Variants in CRB1 observed in about 807,000 individuals in gnomAD.
CRB1 encodes protein crumbs homolog 1.
Under a neutral mutation model 120.0 loss-of-function variants are expected in CRB1, and 83 were observed. The observed-to-expected ratio is 0.69, with a 90% CI of 0.58 to 0.83. The LOEUF (loss-of-function observed/expected upper bound fraction) is 0.83. Among genes scored for constraint, CRB1 ranks in the 40% least tolerant of loss-of-function variants. The pLI, the probability that CRB1 is intolerant of heterozygous loss-of-function variation, is 0.00. For synonymous variants in CRB1, 625 were observed against 612.5 expected, an observed-to-expected ratio of 1.02 and a Z score of -0.30; for missense variants, 1,699 against 1,687.6, an observed-to-expected ratio of 1.01 and a Z score of -0.12.
rs780087216 is a variant in CRB1 at position 197,477,687 on chromosome 1, C to G, written c.4029C>G (p.Asp1343Glu). 6.2e-7 allele frequency: 1 copy of G among 1,613,730 alleles called. No homozygotes were observed. The highest frequency in any genetic ancestry group is 8.5e-7 in the Non-Finnish European group (1 of 1,179,838). ...EVDLADDLIS[D>E]IFTTIGSVTV... ...AGTTGGCAGATGACTTGATCTCCGA[C>G]ATTTTCACCACTATTGGCTCAGTGA... The change falls in exon 12 of 12, where the codon GAC (aspartate) becomes GAG (glutamate). Residue 1343 changes from aspartate to glutamate, a missense_variant. Transcript: ENST00000367400.
chr1:197,323,749 T>C (rs1223072831), intron 1 of CRB1, among the ~76,000 whole-genome samples: 1 of 152,150 alleles, frequency 6.6e-6, no homozygotes, highest in Non-Finnish European at 1.5e-5. Context: ...GATTGCAGCC[T>C]GAGGCACATG....
intron 5 of CRB1, among the ~76,000 whole-genome samples, chr1:197,394,239 A>C (rs1207412256): frequency 6.6e-6 from 1 of 152,150 alleles, no homozygotes; most frequent in Non-Finnish European, 1.5e-5. Flanking sequence ...ACTTTCACTT[A>C]ATGAATAATC....
intron 1 of CRB1, among the ~76,000 whole-genome samples, chr1:197,314,407 A>G (rs1231332852): frequency 6.6e-6 from 1 of 152,032 alleles, no homozygotes; most frequent in South Asian, 2.1e-4. Context: ...AAGTTTTCTC[A>G]TTGTTTACTC....
intron 1 of CRB1, among the ~76,000 whole-genome samples, chr1:197,288,986 A>T (rs1035865019): frequency 3.3e-5 from 5 of 151,408 alleles, no homozygotes; most frequent in Admixed American, 2.6e-4. Flanking sequence ...AAAAAAAAAA[A>T]ACTTGAATTT....
chr1:197,394,793 G>C (rs1165083219), intron 5 of CRB1, among the ~76,000 whole-genome samples: 2 of 151,950 alleles, frequency 1.3e-5, no homozygotes, highest in Non-Finnish European at 2.9e-5. Flanking sequence ...TATTTCTCCA[G>C]ATGTGGAGAT....
intron 5 of CRB1, among the ~76,000 whole-genome samples, chr1:197,378,457 T>A (rs924451078): frequency 1.3e-5 from 2 of 152,152 alleles, no homozygotes; most frequent in African/African-American, 4.8e-5. Flanking sequence ...CTCCTCTTTC[T>A]CTCAATTATA....
chr1:197,414,129 A>G (rs1663851201), intron 5 of CRB1: 2 of 242,146 alleles, frequency 8.3e-6, no homozygotes, highest in African/African-American at 4.5e-5. Context: ...CTTTTGAGAA[A>G]GGAAAAGTGG....
intron 5 of CRB1, among the ~76,000 whole-genome samples, chr1:197,375,009 A>G (rs1179072431): frequency 1.3e-5 from 2 of 152,034 alleles, no homozygotes; most frequent in East Asian, 3.9e-4. Flanking sequence ...TCTTTCACCT[A>G]CCATTTCAGT....
intron 4 of CRB1, 87 bp from the exon 5 acceptor site, chr1:197,356,744 C>T: frequency 1.5e-6 from 2 of 1,312,876 alleles, no homozygotes; most frequent in Non-Finnish European, 2.2e-6. Context: ...AAATCAATGC[C>T]AGTATAGCAG....
intron 5 of CRB1, among the ~76,000 whole-genome samples, chr1:197,373,260 T>C (rs1661468709): frequency 6.6e-6 from 1 of 152,238 alleles, no homozygotes; most frequent in East Asian, 1.9e-4. Flanking sequence ...GTTAGGTTAC[T>C]ATAAGTAATT....
At chr1:197,222,620 A>G in the CRB1 span, 1 of 773,282 alleles carries the variant, frequency 1.3e-6, no homozygotes, top group African/African-American at 1.7e-5. Flanking sequence ...TGTATTTGGT[A>G]GGGAAGGCAA....
the CRB1 span, among the ~76,000 whole-genome samples, chr1:197,227,092 T>C: frequency 6.6e-6 from 1 of 152,096 alleles, no homozygotes; most frequent in Non-Finnish European, 1.5e-5. Flanking sequence ...CCCCTCCAAA[T>C]CTCATGTCCT....
At chr1:197,306,190 C>T (rs770071523) in intron 1 of CRB1, among the ~76,000 whole-genome samples, 1 of 152,090 alleles carries the variant, frequency 6.6e-6, no homozygotes, top group Non-Finnish European at 1.5e-5. Flanking sequence ...CTGCTGAACA[C>T]TCCAGAAACA....
intron 1 of CRB1, among the ~76,000 whole-genome samples, chr1:197,327,118 A>AC (rs1658554799): frequency 2.6e-4 from 36 of 138,086 alleles, no homozygotes; most frequent in African/African-American, 7.9e-4. Context: ...AAAAAAAAAA[A>AC]AAAAAAAAAA....
intron 2 of CRB1, among the ~76,000 whole-genome samples, chr1:197,330,397 A>G (rs1213499461): frequency 6.6e-6 from 1 of 152,186 alleles, no homozygotes; most frequent in Non-Finnish European, 1.5e-5. Context: ...AGTTCTGAAG[A>G]GCCTTGAGAG....
chr1:197,420,225 A>G (rs913568433), intron 5 of CRB1, among the ~76,000 whole-genome samples: 1 of 152,160 alleles, frequency 6.6e-6, no homozygotes, highest in Non-Finnish European at 1.5e-5. Context: ...CTCTTTGTTC[A>G]TTTGAATCTC....
chr1:197,415,372 A>G (rs1012795247), intron 5 of CRB1, among the ~76,000 whole-genome samples: 1 of 152,172 alleles, frequency 6.6e-6, no homozygotes, highest in Admixed American at 6.5e-5. Flanking sequence ...TTTCTGTCCA[A>G]CAATTACGTA....
At chr1:197,364,336 A>G (rs1041765483) in intron 5 of CRB1, among the ~76,000 whole-genome samples, 19 of 152,218 alleles carry the variant, frequency 1.2e-4, no homozygotes, top group Admixed American at 4.6e-4. Context: ...ATTTTCAGCA[A>G]TTTATTTGTA....
chr1:197,412,812 A>G (rs1663778979), intron 5 of CRB1, among the ~76,000 whole-genome samples: 2 of 152,264 alleles, frequency 1.3e-5, no homozygotes, highest in Admixed American at 6.5e-5. Flanking sequence ...AGTTTTAAAT[A>G]TGAATGAATA....
Sources: gnomAD v4.1 joint callset for allele counts (sites outside exome capture counted in the v4.1 genomes callset) on GRCh38, gnomAD v4.1.1 for gene constraint, MANE v1.5 for transcripts, NCBI Gene and HGNC (gene_info 2026-07-23, HGNC 2026-07-21) for gene names.